The following AGAP3 variants were observed in gnomAD, a reference collection of about 807,000 sequenced individuals.
AGAP3 encodes the protein ArfGAP with GTPase domain, ankyrin repeat and PH domain 3, also known as arf-GAP with GTPase, ANK repeat and PH domain-containing protein 3.
AGAP3 carries 24 observed loss-of-function variants against 96.9 expected under a neutral mutation model. The observed-to-expected ratio is 0.25, with a 90% CI of 0.18 to 0.35. The LOEUF (loss-of-function observed/expected upper bound fraction) is 0.35. Ranked by LOEUF, AGAP3 falls within the 10% of genes least tolerant of loss-of-function variation. The pLI, the probability that AGAP3 is intolerant of heterozygous loss-of-function variation, is 1.00. For synonymous variants in AGAP3, 563 were observed against 536.1 expected (o/e 1.05, Z -0.69); for missense variants, 876 against 1,254.2 (o/e 0.70, Z 4.55).
chr7:151,133,328 G>A lies in AGAP3; in HGVS notation c.1327-1072G>A, dbSNP rs1378385996. Among the ~76,000 whole-genome samples the A allele has an allele frequency of 6.6e-6, 1 of 152,176 alleles. No homozygotes were observed. Among genetic ancestry groups the A allele is most frequent in the Non-Finnish European group, 1.5e-5 (1 of 68,020 alleles). On this transcript the variant is annotated intron_variant, in intron 10 of 17. Transcript: ENST00000397238. This position sits in a 1 kb window ranked among gnomAD's most constrained non-coding sequence, Gnocchi z 5.4. ...TGGGACAGCCCTTAGGGCAGTGTCT[G>A]ATACTAAACACTTGTCAAACAGTTT...
chr7:151,116,706 A>C, intron 1 of AGAP3, 87 bp from the exon 2 acceptor site: 1 of 1,475,712 alleles, frequency 6.8e-7, no homozygotes, highest in Non-Finnish European at 9.5e-7. Flanking sequence ...GGGCTTGGGG[A>C]GGGCATCATA....
Position 151,140,585 on chromosome 7 carries a change from T to A in AGAP3, c.1804+469T>A, listed in dbSNP as rs1800779595. ...AGGACCTTTCTCTTCCTCTATTAAT[T>A]ATACTGCTGCTCCTCAGATTTTCCT... On this transcript the variant is annotated intron_variant, in intron 13 of 17. Transcript: ENST00000397238. This position sits in a 1 kb window ranked among gnomAD's most constrained non-coding sequence, Gnocchi z 5.4. 6.6e-6 allele frequency: 1 copy of A among 152,344 alleles called. No homozygotes were observed. Among genetic ancestry groups the A allele is most frequent in the African/African-American group, 2.4e-5 (1 of 41,426 alleles). 9.4% of individuals were successfully genotyped at this position (152,344 alleles called of 1,614,324 possible). A position where few individuals can be genotyped will look rare whatever the true frequency, so the allele number is the denominator to read the frequency against.
At chr7:151,125,886 CCGCGCCTCTGCG>C (rs1800138824) in intron 9 of AGAP3, among the ~76,000 whole-genome samples, 1 of 152,264 alleles carries the variant, frequency 6.6e-6, no homozygotes, top group Non-Finnish European at 1.5e-5. Flanking sequence ...GCTGTCGCCT[CCGCGCCTCTGCG>C]CCGTTCCCAT....
rs1032623004 is a variant in AGAP3, at chr7:151,114,527, C to G, written c.332-2266C>G. On this transcript the variant is annotated intron_variant, in intron 1 of 17. Transcript: ENST00000397238. The surrounding 1 kb of genome is among the most constrained non-coding windows in gnomAD (Gnocchi z 4.4). The stretch of plus-strand genomic sequence containing the variant: ...GGCTGCCCCAGCAGGCCGGCTCCCC[C>G]GCGCCGCGCCGCCGTTCCCGGGCGT... Among the ~76,000 whole-genome samples the G allele has an allele frequency of 6.6e-6, 1 of 152,172 alleles. No homozygotes were observed. The highest frequency in any genetic ancestry group is 2.4e-5 in the African/African-American group (1 of 41,446).
At chr7:151,138,882 C>T (rs939150866) in intron 12 of AGAP3, among the ~76,000 whole-genome samples, 3 of 152,176 alleles carry the variant, frequency 2.0e-5, no homozygotes, top group African/African-American at 7.2e-5. Context: ...CTCAGATAGG[C>T]CTCCACCCAT....
chr7:151,095,207 T>G (rs1798552071), intron 1 of AGAP3, among the ~76,000 whole-genome samples: 1 of 152,206 alleles, frequency 6.6e-6, no homozygotes, highest in Non-Finnish European at 1.5e-5. Flanking sequence ...CAACGTACAT[T>G]TCTCTGTTTG....
intron 9 of AGAP3, among the ~76,000 whole-genome samples, chr7:151,128,114 G>A (rs373219706): frequency 2.6e-5 from 4 of 152,142 alleles, no homozygotes; most frequent in South Asian, 2.1e-4. Flanking sequence ...GCTACCACAG[G>A]GGGTGGAAGG....
At position 151,141,434 on chromosome 7, in the gene AGAP3, T is replaced by C. The variant is rs1800808472; in HGVS notation, c.1805-464T>C. The C allele has an allele frequency of 6.1e-6, 1 of 165,116 alleles. No individual in the cohort carries two copies. Among genetic ancestry groups the C allele is most frequent in the African/African-American group, 2.4e-5 (1 of 41,510 alleles). 10.2% of individuals were successfully genotyped at this position (165,116 alleles called of 1,614,324 possible). ...TCCCAGGAGCCCCACGCTGACGCCGTCAGGAATATTGGGTTTAATGAGCTG... is the reference window on the plus strand; with the variant it reads ...TCCCAGGAGCCCCACGCTGACGCCGCCAGGAATATTGGGTTTAATGAGCTG... On this transcript the variant is annotated intron_variant, in intron 13 of 17. Transcript: ENST00000397238. This position sits in a 1 kb window ranked among gnomAD's most constrained non-coding sequence, Gnocchi z 4.2.
intron 8 of AGAP3, 133 bp from the exon 9 acceptor site, chr7:151,123,661 C>T (rs1800026587): frequency 1.3e-6 from 2 of 1,524,718 alleles, no homozygotes; most frequent in Non-Finnish European, 1.8e-6. Flanking sequence ...TCCTTCCCGT[C>T]CCGCCGCCCC....
rs1248028042 is a variant in AGAP3, at chr7:151,108,651, G to A, written c.332-8142G>A. On this transcript the variant is annotated intron_variant, in intron 1 of 17. Coordinates refer to ENST00000397238, the MANE Select transcript of AGAP3 (RefSeq NM_031946.7). The surrounding 1 kb of genome is among the most constrained non-coding windows in gnomAD (Gnocchi z 4.2). ...CAGCCGCGTCACCTTGAGGCAGGGT[G>A]GGGCAGAGACTTCAGTCTGCTTGCC... Among the ~76,000 whole-genome samples, 1 of 152,198 alleles carries A rather than the reference G, an allele frequency of 6.6e-6. No individual in the cohort carries two copies. The highest frequency in any genetic ancestry group is 1.5e-5 in the Non-Finnish European group (1 of 68,030).
At chr7:151,131,628 G>A (rs1185756459) in intron 10 of AGAP3, among the ~76,000 whole-genome samples, 3 of 152,178 alleles carry the variant, frequency 2.0e-5, no homozygotes, top group Non-Finnish European at 4.4e-5. Flanking sequence ...CCGGGCACGA[G>A]GGCGTGGAAT....
intron 1 of AGAP3, among the ~76,000 whole-genome samples, chr7:151,100,003 G>A (rs939322743): frequency 6.6e-6 from 1 of 152,180 alleles, no homozygotes; most frequent in African/African-American, 2.4e-5. Context: ...GGACTGTGCT[G>A]GGAAGAGCCC....
intron 1 of AGAP3, among the ~76,000 whole-genome samples, chr7:151,101,887 C>A (rs1259353380): frequency 6.6e-6 from 1 of 152,094 alleles, no homozygotes; most frequent in Non-Finnish European, 1.5e-5. Flanking sequence ...AAAGGTGGGC[C>A]GGTGCGCCTG....
intron 1 of AGAP3, 143 bp from the exon 2 acceptor site, chr7:151,116,650 G>A: frequency 3.6e-6 from 3 of 825,620 alleles, no homozygotes; most frequent in Non-Finnish European, 2.0e-6. Flanking sequence ...GGGAACTAGG[G>A]GTGAGGGTTG....
At chr7:151,086,400 C>T (rs1346870759), upstream of AGAP3, among the ~76,000 whole-genome samples, 1 of 125,632 alleles carries the variant, frequency 8.0e-6, no homozygotes, top group Non-Finnish European at 1.7e-5. Flanking sequence ...GCTGCGTGTG[C>T]CGGAGCCGGC....
At position 151,143,337 on chromosome 7, in the gene AGAP3, G is replaced by A. The variant is rs1048386636; in HGVS notation, c.2274-4G>A. 6.2e-7 allele frequency: 1 copy of A among 1,606,658 alleles called. No homozygotes were observed. The highest frequency in any genetic ancestry group is 8.5e-7 in the Non-Finnish European group (1 of 1,175,208). ...CTCATGCCCTGATGGGCCTGTGGTT[G>A]CAGAGAGGAGAAGGAACGCTGGATA... On this transcript the variant is annotated splice_polypyrimidine_tract_variant and splice_region_variant and intron_variant, in intron 16 of 17. Transcript: ENST00000397238. This position sits in a 1 kb window ranked among gnomAD's most constrained non-coding sequence, Gnocchi z 5.9.
At chr7:151,138,682 G>T (rs958282326) in intron 12 of AGAP3, among the ~76,000 whole-genome samples, 1 of 152,194 alleles carries the variant, frequency 6.6e-6, no homozygotes, top group Non-Finnish European at 1.5e-5. Flanking sequence ...TCAGCCCCCC[G>T]CGCAGTTAGC....
chr7:151,143,677 T>C lies in AGAP3; in HGVS notation c.2530-60T>C, dbSNP rs73727484. The stretch of plus-strand genomic sequence containing the variant: ...GAAAGCAACCTCTTCTTTCCTCCCC[T>C]ACAACCAATCTCTCTCCTCCCATGT... On this transcript the variant is annotated intron_variant, in intron 17 of 17. Coordinates refer to ENST00000397238, the MANE Select transcript of AGAP3 (RefSeq NM_031946.7). This position sits in a 1 kb window ranked among gnomAD's most constrained non-coding sequence, Gnocchi z 5.9. 12 of 1,610,526 alleles carry C rather than the reference T, an allele frequency of 7.5e-6. No homozygotes were observed. In the African/African-American group the frequency reaches 1.6e-4, roughly 21 times the overall value.
chr7:151,092,097 A>G (rs1182389677), intron 1 of AGAP3, among the ~76,000 whole-genome samples: 3 of 152,168 alleles, frequency 2.0e-5, no homozygotes, highest in East Asian at 1.9e-4. Context: ...TAGAAACCGC[A>G]GGAGTTGGTG....
Sources: allele counts gnomAD v4.1 joint callset (sites outside exome capture counted in the v4.1 genomes callset), GRCh38; gene constraint gnomAD v4.1.1; non-coding constraint Gnocchi (gnomAD v3.1); transcripts MANE v1.5; gene names NCBI Gene and HGNC (gene_info 2026-07-23, HGNC 2026-07-21).